The following UBAC2 variants were observed in gnomAD, a reference collection of about 807,000 sequenced individuals.
The protein encoded by UBAC2 is ubiquitin-associated domain-containing protein 2.
A neutral mutation model predicts 44.0 loss-of-function variants in UBAC2; 26 were observed. The observed-to-expected ratio is 0.59, with a 90% CI of 0.43 to 0.82. The LOEUF (loss-of-function observed/expected upper bound fraction) is 0.82. UBAC2 is among the 40% of genes least tolerant of loss of function. UBAC2 has a pLI of 0.00. For missense variants in UBAC2, 329 were observed against 419.4 expected, an observed-to-expected ratio of 0.78 and a Z score of 1.88; for synonymous variants, 155 against 154.3, an observed-to-expected ratio of 1.00 and a Z score of -0.04.
At chr13:99,342,600 C>T (rs72649591) in intron 7 of UBAC2, among the ~76,000 whole-genome samples, 14,116 of 152,126 alleles carry the variant, frequency 0.093, 707 homozygotes, top group East Asian at 0.13. Context: ...GCCATCCATT[C>T]GTGTGCCAGC....
chr13:99,272,170 C>A (rs1335085027), intron 4 of UBAC2, among the ~76,000 whole-genome samples: 1 of 152,144 alleles, frequency 6.6e-6, no homozygotes, highest in Non-Finnish European at 1.5e-5. Flanking sequence ...CCTAAAAATC[C>A]CAGCCCTCAA....
chr13:99,301,095 A>G (rs1364636823), intron 4 of UBAC2, among the ~76,000 whole-genome samples: 1 of 152,232 alleles, frequency 6.6e-6, no homozygotes, highest in South Asian at 2.1e-4. Flanking sequence ...GAACACTAAT[A>G]TCAGAATTAT....
chr13:99,346,555 AC>A (rs1358840811), intron 7 of UBAC2, among the ~76,000 whole-genome samples: 1 of 152,092 alleles, frequency 6.6e-6, no homozygotes, highest in Non-Finnish European at 1.5e-5. Context: ...ACGCAGTCTC[AC>A]CTTTACATCT....
intron 4 of UBAC2, among the ~76,000 whole-genome samples, chr13:99,290,822 C>T (rs2044080388): frequency 6.6e-6 from 1 of 151,692 alleles, no homozygotes; most frequent in Non-Finnish European, 1.5e-5. Context: ...TTGTTCACCA[C>T]CTGAATCCCA....
At chr13:99,303,832 C>T (rs953017730) in intron 4 of UBAC2, among the ~76,000 whole-genome samples, 3 of 152,298 alleles carry the variant, frequency 2.0e-5, no homozygotes, top group South Asian at 2.1e-4. Context: ...CAGGTCAACT[C>T]GGTCATTCGC....
chr13:99,372,840 C>T (rs925737127), intron 8 of UBAC2, among the ~76,000 whole-genome samples: 1 of 152,204 alleles, frequency 6.6e-6, no homozygotes, highest in Admixed American at 6.5e-5. Flanking sequence ...CCAGGCCGGG[C>T]GCGGTGGCCC....
At chr13:99,201,146 A>T in intron 1 of UBAC2, 1 of 1,362,708 alleles carries the variant, frequency 7.3e-7, no homozygotes, top group Non-Finnish European at 9.5e-7. Context: ...ATGGGGACAA[A>T]GCCCCGCCGC....
intron 4 of UBAC2, among the ~76,000 whole-genome samples, chr13:99,299,925 C>A (rs1397841157): frequency 6.6e-6 from 1 of 152,158 alleles, no homozygotes; most frequent in Non-Finnish European, 1.5e-5. Context: ...ATGCTAGATC[C>A]CTCTCTGTGA....
At chr13:99,260,235 C>T (rs1477225175) in intron 4 of UBAC2, among the ~76,000 whole-genome samples, 1 of 152,210 alleles carries the variant, frequency 6.6e-6, no homozygotes, top group Non-Finnish European at 1.5e-5. Context: ...TTCCTTAGCA[C>T]TTGGTACCTA....
intron 4 of UBAC2, among the ~76,000 whole-genome samples, chr13:99,268,557 A>G (rs2043773256): frequency 7.1e-6 from 1 of 140,720 alleles, no homozygotes. Context: ...GCAGTGAGCC[A>G]TGATCCTGTC....
At chr13:99,259,805 T>C (rs570296943) in intron 4 of UBAC2, among the ~76,000 whole-genome samples, 5 of 152,362 alleles carry the variant, frequency 3.3e-5, no homozygotes, top group Non-Finnish European at 5.9e-5. Flanking sequence ...AGCTTCCCCA[T>C]TGCTGCTAAA....
intron 4 of UBAC2, chr13:99,255,961 C>G: frequency 1.6e-6 from 2 of 1,270,226 alleles, no homozygotes; most frequent in Non-Finnish European, 2.2e-6. Flanking sequence ...AAAATAAATG[C>G]TTAACATTCT....
At chr13:99,323,090 G>A (rs1437664265) in intron 6 of UBAC2, among the ~76,000 whole-genome samples, 3 of 151,900 alleles carry the variant, frequency 2.0e-5, no homozygotes, top group African/African-American at 4.8e-5. Flanking sequence ...GTTCCTCTGC[G>A]CCGCCTTTGC....
At chr13:99,228,795 G>A (rs547332079) in intron 1 of UBAC2, among the ~76,000 whole-genome samples, 1 of 152,154 alleles carries the variant, frequency 6.6e-6, no homozygotes, top group Non-Finnish European at 1.5e-5. Flanking sequence ...ATTCCGTGGA[G>A]CCTTGTTTGC....
At chr13:99,287,118 A>G (rs543611363) in intron 4 of UBAC2, among the ~76,000 whole-genome samples, 4 of 152,178 alleles carry the variant, frequency 2.6e-5, no homozygotes, top group Non-Finnish European at 4.4e-5. Context: ...ACAAACTTCA[A>G]ATAATTTGAC....
intron 4 of UBAC2, among the ~76,000 whole-genome samples, chr13:99,280,634 T>C (rs1242102043): frequency 1.3e-5 from 2 of 152,206 alleles, no homozygotes; most frequent in Non-Finnish European, 2.9e-5. Flanking sequence ...GAGCAGGATC[T>C]TACTCTCTCT....
At chr13:99,279,237 G>C (rs1387045202) in intron 4 of UBAC2, among the ~76,000 whole-genome samples, 1 of 152,054 alleles carries the variant, frequency 6.6e-6, no homozygotes, top group Non-Finnish European at 1.5e-5. Context: ...CCCTACCGGG[G>C]ATTTTAGTAA....
chr13:99,385,210 C>A lies in UBAC2; in HGVS notation c.928-18C>A. The A allele has an allele frequency of 6.3e-7, 1 of 1,599,302 alleles. No individual in the cohort carries two copies. Among genetic ancestry groups the A allele is most frequent in the Non-Finnish European group, 8.6e-7 (1 of 1,166,500 alleles). The stretch of plus-strand genomic sequence containing the variant: ...CAATGTCAGCGCCCTCAGGTTTCTG[C>A]GTTTTCTCTGCCTGCAGGTCGCCCG... On this transcript the variant is annotated intron_variant, in intron 8 of 8. Transcript: ENST00000403766.
intron 4 of UBAC2, among the ~76,000 whole-genome samples, chr13:99,280,906 C>G (rs1350860399): frequency 6.6e-6 from 1 of 151,820 alleles, no homozygotes; most frequent in Non-Finnish European, 1.5e-5. Context: ...AAAATGTAGG[C>G]TGGGCGTGGT....
Sources: gnomAD v4.1 joint callset for allele counts (sites outside exome capture counted in the v4.1 genomes callset) on GRCh38, gnomAD v4.1.1 for gene constraint, MANE v1.5 for transcripts, NCBI Gene and HGNC (gene_info 2026-07-23, HGNC 2026-07-21) for gene names.